RBFOX1: variants seen among roughly 807,000 people sequenced by gnomAD.
RBFOX1 encodes the protein RNA binding fox-1 homolog 1, also known as RNA binding protein fox-1 homolog 1.
Under a neutral mutation model 57.7 loss-of-function variants are expected in RBFOX1, and 8 were observed. The observed-to-expected ratio is 0.14, with a 90% CI of 0.08 to 0.25. RBFOX1 has a LOEUF of 0.25. RBFOX1 is among the 10% of genes least tolerant of loss of function. The pLI is 1.00. For missense variants in RBFOX1, 611 were observed against 548.5 expected, an observed-to-expected ratio of 1.11 and a Z score of -1.14; for synonymous variants, 326 against 222.4, an observed-to-expected ratio of 1.47 and a Z score of -4.15.
chr16:5,611,077 T>C (rs2151245664), intron 3 of RBFOX1, among the ~76,000 whole-genome samples: 1 of 152,240 alleles, frequency 6.6e-6, no homozygotes, highest in East Asian at 1.9e-4. Flanking sequence ...TAGAGCATCA[T>C]CCACATCCTT....
chr16:6,828,907 A>C (rs1016639975), intron 3 of RBFOX1, among the ~76,000 whole-genome samples: 1 of 152,008 alleles, frequency 6.6e-6, no homozygotes, highest in Admixed American at 6.6e-5. Flanking sequence ...GCAGCCCCAA[A>C]TCCCCTTAGG....
chr16:5,302,791 C>T (rs116838672), intron 1 of RBFOX1, among the ~76,000 whole-genome samples: 2,876 of 152,226 alleles, frequency 0.019, 79 homozygotes, highest in African/African-American at 0.065. Flanking sequence ...AAGTGTTTCC[C>T]GCCTTTTTTA....
intron 1 of RBFOX1, among the ~76,000 whole-genome samples, chr16:6,166,260 T>A (rs930126864): frequency 2.0e-5 from 3 of 152,116 alleles, no homozygotes; most frequent in Non-Finnish European, 2.9e-5. Context: ...CCTGGTGAAC[T>A]TGTTGACTCT....
intron 1 of RBFOX1, among the ~76,000 whole-genome samples, chr16:6,269,468 C>T (rs1032879817): frequency 1.4e-4 from 22 of 152,064 alleles, no homozygotes; most frequent in African/African-American, 4.3e-4. Context: ...GTCAAGGCAA[C>T]GAAAACATCT....
chr16:5,581,813 A>C (rs919603457), intron 2 of RBFOX1, among the ~76,000 whole-genome samples: 2 of 152,158 alleles, frequency 1.3e-5, no homozygotes, highest in African/African-American at 2.4e-5. Context: ...GACCATATGC[A>C]AGGTGGGCCC....
At chr16:6,829,361 G>C (rs1347892986) in intron 3 of RBFOX1, among the ~76,000 whole-genome samples, 1 of 151,220 alleles carries the variant, frequency 6.6e-6, no homozygotes, top group African/African-American at 2.4e-5. Context: ...TAAATTCAAT[G>C]TGTACACACA....
chr16:7,580,711 T>C (rs377648196), intron 6 of RBFOX1, among the ~76,000 whole-genome samples: 1 of 152,192 alleles, frequency 6.6e-6, no homozygotes, highest in African/African-American at 2.4e-5. Context: ...CTATCCACTT[T>C]GGGAAGACAT....
At chr16:7,167,356 C>A (rs1249938010) in intron 4 of RBFOX1, among the ~76,000 whole-genome samples, 1 of 151,816 alleles carries the variant, frequency 6.6e-6, no homozygotes, top group Non-Finnish European at 1.5e-5. Flanking sequence ...TTAGAGTGGA[C>A]CCTAAGTCCA....
At chr16:6,224,910 T>C (rs577833947) in intron 1 of RBFOX1, among the ~76,000 whole-genome samples, 1 of 151,850 alleles carries the variant, frequency 6.6e-6, no homozygotes, top group East Asian at 1.9e-4. Flanking sequence ...TTCTACCTTC[T>C]TGGGAGGCTG....
intron 4 of RBFOX1, among the ~76,000 whole-genome samples, chr16:7,460,442 T>G (rs553231467): frequency 9.4e-4 from 135 of 144,086 alleles, no homozygotes; most frequent in African/African-American, 3.3e-3. Flanking sequence ...TGTGTATATA[T>G]GTATGTGTGT....
chr16:7,540,936 G>C (rs2082751468), intron 5 of RBFOX1, among the ~76,000 whole-genome samples: 1 of 152,074 alleles, frequency 6.6e-6, no homozygotes, highest in African/African-American at 2.4e-5. Context: ...TGTCTTCTAG[G>C]GACCTTAGTT....
intron 3 of RBFOX1, among the ~76,000 whole-genome samples, chr16:5,636,528 TG>T (rs1258962190): frequency 7.2e-6 from 1 of 138,102 alleles, no homozygotes; most frequent in African/African-American, 2.4e-5. Context: ...GTCATGGAGA[TG>T]GCCAGTGGCA....
chr16:7,037,691 C>T (rs1320813521), intron 3 of RBFOX1, among the ~76,000 whole-genome samples: 2 of 152,178 alleles, frequency 1.3e-5, no homozygotes, highest in Non-Finnish European at 2.9e-5. Context: ...TGTGATGACC[C>T]TGTGGGGCAC....
At chr16:7,209,624 TA>T (rs778900956) in intron 4 of RBFOX1, among the ~76,000 whole-genome samples, 16 of 152,330 alleles carry the variant, frequency 1.1e-4, no homozygotes, top group Non-Finnish European at 1.5e-4. Context: ...GTAACCACTC[TA>T]TTAAATTTTT....
intron 5 of RBFOX1, among the ~76,000 whole-genome samples, chr16:7,559,533 G>T (rs78616738): frequency 0.056 from 8,510 of 152,194 alleles, 782 homozygotes; most frequent in African/African-American, 0.19. Flanking sequence ...GGAAAACACA[G>T]GCCTTGCAAA....
intron 3 of RBFOX1, among the ~76,000 whole-genome samples, chr16:5,862,494 G>A (rs1272385422): frequency 1.3e-5 from 2 of 152,170 alleles, no homozygotes; most frequent in African/African-American, 2.4e-5. Context: ...GCATCAATCA[G>A]TGAGAGGGGA....
intron 3 of RBFOX1, among the ~76,000 whole-genome samples, chr16:6,985,264 G>A (rs2089991129): frequency 1.3e-5 from 2 of 152,196 alleles, no homozygotes; most frequent in African/African-American, 4.8e-5. Flanking sequence ...CATATTGGTA[G>A]GGAATATATC....
intron 4 of RBFOX1, among the ~76,000 whole-genome samples, chr16:7,404,686 A>G (rs947515766): frequency 2.0e-5 from 3 of 152,188 alleles, no homozygotes; most frequent in African/African-American, 7.2e-5. Flanking sequence ...GTGGATATTA[A>G]AAGAATGCTT....
chr16:6,020,975 A>G (rs1442188744), intron 1 of RBFOX1, among the ~76,000 whole-genome samples: 1 of 152,180 alleles, frequency 6.6e-6, no homozygotes, highest in Non-Finnish European at 1.5e-5. Flanking sequence ...GGGAGAGCTC[A>G]TCGCTCCTGT....
Sources: gnomAD v4.1 joint callset for allele counts (sites outside exome capture counted in the v4.1 genomes callset) on GRCh38, gnomAD v4.1.1 for gene constraint, MANE v1.5 for transcripts, NCBI Gene and HGNC (gene_info 2026-07-23, HGNC 2026-07-21) for gene names.